Variants in ZMYND8 observed in about 807,000 individuals in gnomAD.
ZMYND8 encodes the protein MYND-type zinc finger-containing chromatin reader ZMYND8.
Under a neutral mutation model 140.8 loss-of-function variants are expected in ZMYND8, and 37 were observed. The observed-to-expected ratio is 0.26, with a 90% CI of 0.20 to 0.35. The LOEUF (loss-of-function observed/expected upper bound fraction) is 0.35. Ranked by LOEUF, ZMYND8 falls within the 10% of genes least tolerant of loss-of-function variation. The probability of loss-of-function intolerance (pLI) is 1.00; values close to 1 mark genes in which losing one functional copy is unlikely to be tolerated. For synonymous variants in ZMYND8, 592 were observed against 597.1 expected, an observed-to-expected ratio of 0.99 and a Z score of 0.12; for missense variants, 1,068 against 1,570.0, an observed-to-expected ratio of 0.68 and a Z score of 5.40.
At chr20:47,343,154 G>A (rs1312333989) in intron 2 of ZMYND8, among the ~76,000 whole-genome samples, 1 of 151,968 alleles carries the variant, frequency 6.6e-6, no homozygotes, top group Non-Finnish European at 1.5e-5. Flanking sequence ...CTGTGGTGAT[G>A]CATGCCTGTG....
chr20:47,306,228 A>G (rs1053290388), intron 3 of ZMYND8, among the ~76,000 whole-genome samples: 6 of 152,092 alleles, frequency 3.9e-5, no homozygotes, highest in African/African-American at 1.4e-4. Flanking sequence ...CCCCATCTCT[A>G]TAACAAAATA....
chr20:47,298,599 T>C lies in ZMYND8; in HGVS notation c.453+130A>G. ...TTGGTCAAGAAGGGGGTGACCAGGA[T>C]AGAACAGGTGGAAAGCAAGAAATTT... On this transcript the variant is annotated intron_variant, in intron 4 of 22. Transcript: ENST00000471951. The surrounding 1 kb of genome is among the most constrained non-coding windows in gnomAD (Gnocchi z 5.0). The C allele has an allele frequency of 1.3e-6, 2 of 1,495,168 alleles. No individual in the cohort carries two copies. The highest frequency in any genetic ancestry group is 4.3e-5 in the Admixed American group (2 of 46,334). 92.6% of individuals were successfully genotyped at this position (1,495,168 alleles called of 1,614,324 possible). A position where few individuals can be genotyped will look rare whatever the true frequency, so the allele number is the denominator to read the frequency against.
intron 11 of ZMYND8, among the ~76,000 whole-genome samples, chr20:47,275,294 C>A (rs113170461): frequency 2.6e-5 from 4 of 152,112 alleles, no homozygotes; most frequent in African/African-American, 7.2e-5. Context: ...GAGTTCGAGA[C>A]CAGCCAGGCC....
intron 10 of ZMYND8, among the ~76,000 whole-genome samples, chr20:47,280,246 G>A (rs2076524522): frequency 6.6e-6 from 1 of 151,964 alleles, no homozygotes; most frequent in Non-Finnish European, 1.5e-5. Context: ...ACTCCCTCCA[G>A]GGGATCCCCT....
chr20:47,270,811 C>G (rs2075886783), intron 11 of ZMYND8, among the ~76,000 whole-genome samples: 1 of 151,460 alleles, frequency 6.6e-6, no homozygotes, highest in East Asian at 1.9e-4. Context: ...GGTGCAGTGT[C>G]TCACGCCTGT....
chr20:47,332,186 C>T (rs2081012281), intron 2 of ZMYND8, among the ~76,000 whole-genome samples: 1 of 152,194 alleles, frequency 6.6e-6, no homozygotes, highest in African/African-American at 2.4e-5. Flanking sequence ...TGACGTGCGC[C>T]TATAATCCCA....
At chr20:47,212,965 AG>A (rs1308605730) in intron 21 of ZMYND8, among the ~76,000 whole-genome samples, 3 of 152,224 alleles carry the variant, frequency 2.0e-5, no homozygotes, top group Admixed American at 1.3e-4. Context: ...GTAGGAAATA[AG>A]GTATACAATG....
chr20:47,248,495 G>A (rs1415312518), intron 13 of ZMYND8, among the ~76,000 whole-genome samples: 1 of 152,204 alleles, frequency 6.6e-6, no homozygotes, highest in South Asian at 2.1e-4. Context: ...AGAGGAGCTT[G>A]CTCTCCAGAG....
In ZMYND8 at chr20:47,279,689, A is replaced by G. The variant is rs6090655; in HGVS notation, c.998+2413T>C. 6.7e-3 allele frequency among the ~76,000 whole-genome samples: 1,025 copies of G among 152,048 alleles called. 14 individuals carry two copies. The highest frequency in any genetic ancestry group is 0.024 in the African/African-American group (983 of 41,452). ...TTTTCTTATTGATAAAATAGACATA[A>G]AAGCAGCTTCTACAAAAAAGCACTT... On this transcript the variant is annotated intron_variant, in intron 10 of 22. Coordinates refer to ENST00000471951, the MANE Select transcript of ZMYND8 (RefSeq NM_001281775.3).
chr20:47,297,234 T>A (rs1409227153), intron 4 of ZMYND8, among the ~76,000 whole-genome samples: 3 of 152,164 alleles, frequency 2.0e-5, no homozygotes, highest in Admixed American at 2.0e-4. Flanking sequence ...CATTACAATA[T>A]CATCGTCATC....
intron 19 of ZMYND8, among the ~76,000 whole-genome samples, chr20:47,223,921 A>T (rs1252546310): frequency 6.6e-6 from 1 of 152,088 alleles, no homozygotes; most frequent in Non-Finnish European, 1.5e-5. Context: ...GGAAAGGGTG[A>T]TTACAAATAT....
chr20:47,306,903 G>C (rs1387326909), intron 3 of ZMYND8, among the ~76,000 whole-genome samples: 1 of 152,188 alleles, frequency 6.6e-6, no homozygotes, highest in Admixed American at 6.5e-5. Flanking sequence ...AGCAGGCTGA[G>C]TATGAGACAA....
At position 47,291,907 on chromosome 20, in the gene ZMYND8, G is replaced by A. The variant is rs554042844; in HGVS notation, c.568-19C>T. The A allele has an allele frequency of 3.1e-6, 5 of 1,600,194 alleles. No homozygotes were observed. The Admixed American group carries it at 8.5e-5, about 27-fold the overall frequency. On this transcript the variant is annotated intron_variant, in intron 5 of 22. Transcript: ENST00000471951. Reference sequence around the variant, plus strand: ...CATCTGTCTATAAAAGAGAAGATATGCAGAGGAACGAACCCATCATTACTA... The same window carrying A: ...CATCTGTCTATAAAAGAGAAGATATACAGAGGAACGAACCCATCATTACTA...
At chr20:47,355,031 C>T (rs1232012520) in intron 1 of ZMYND8, among the ~76,000 whole-genome samples, 1 of 152,028 alleles carries the variant, frequency 6.6e-6, no homozygotes, top group East Asian at 1.9e-4. Flanking sequence ...GACACCACCC[C>T]CCCAACACAC....
At chr20:47,334,136 A>G (rs1389205199) in intron 2 of ZMYND8, among the ~76,000 whole-genome samples, 1 of 152,194 alleles carries the variant, frequency 6.6e-6, no homozygotes, top group African/African-American at 2.4e-5. Flanking sequence ...TACCATAATG[A>G]AAGTGAAAAC....
At chr20:47,348,460 A>T (rs901703597) in intron 1 of ZMYND8, 1 of 173,122 alleles carries the variant, frequency 5.8e-6, no homozygotes, top group Non-Finnish European at 1.2e-5. Context: ...GCCCAGCTAG[A>T]AGCTAAAGAC....
At chr20:47,232,887 G>GT (rs1391340787) in intron 16 of ZMYND8, among the ~76,000 whole-genome samples, 24 of 103,642 alleles carry the variant, frequency 2.3e-4, no homozygotes, top group South Asian at 1.4e-3. Flanking sequence ...CCTCCCCCAT[G>GT]TTTTTTTTTG....
At chr20:47,307,182 G>A (rs2078556204) in intron 3 of ZMYND8, among the ~76,000 whole-genome samples, 1 of 152,092 alleles carries the variant, frequency 6.6e-6, no homozygotes, top group Non-Finnish European at 1.5e-5. Flanking sequence ...CAGGCACGGT[G>A]GCTCATGCCT....
At position 47,297,158 on chromosome 20, in the gene ZMYND8, A is replaced by G. The variant is rs76145456; in HGVS notation, c.453+1571T>C. Among the ~76,000 whole-genome samples the G allele has an allele frequency of 6.4e-3, 975 of 152,244 alleles. 12 individuals are homozygous for G. Among genetic ancestry groups the G allele is most frequent in the African/African-American group, 0.021 (889 of 41,544 alleles). On this transcript the variant is annotated intron_variant, in intron 4 of 22. Transcript: ENST00000471951. ...CGCCGCTGTACAATGCAAACCCTAC[A>G]TATTTCTCCATCTAGAGTAACCCAA...
Sources: allele counts gnomAD v4.1 joint callset (sites outside exome capture counted in the v4.1 genomes callset), GRCh38; gene constraint gnomAD v4.1.1; non-coding constraint Gnocchi (gnomAD v3.1); transcripts MANE v1.5; gene names NCBI Gene and HGNC (gene_info 2026-07-23, HGNC 2026-07-21).